TRRAP: variants seen among roughly 807,000 people sequenced by gnomAD.
TRRAP encodes the protein transformation/transcription domain associated protein, also known as transformation/transcription domain-associated protein.
Under a neutral mutation model 438.8 loss-of-function variants are expected in TRRAP, and 41 were observed. The ratio of observed to expected loss-of-function variants is 0.09; its 90% CI spans 0.07 to 0.12. The LOEUF (loss-of-function observed/expected upper bound fraction) is 0.12. Among genes scored for constraint, TRRAP ranks in the 10% least tolerant of loss-of-function variants. TRRAP has a pLI of 1.00. For missense variants in TRRAP, 3,122 were observed against 5,055.1 expected, an observed-to-expected ratio of 0.62 and a Z score of 11.60; for synonymous variants, 1,994 against 1,962.9, an observed-to-expected ratio of 1.02 and a Z score of -0.42.
At chr7:98,882,129 C>A in intron 3 of TRRAP, 105 bp downstream of exon 3, 1 of 986,718 alleles carries the variant, frequency 1.0e-6, no homozygotes, top group Non-Finnish European at 1.5e-6. Flanking sequence ...AGATCATTGT[C>A]TTTGTTCAAG....
chr7:98,956,598 A>G lies in TRRAP; in HGVS notation c.6231+65A>G, dbSNP rs911107276. On this transcript the variant is annotated intron_variant, in intron 43 of 72. Coordinates refer to ENST00000456197, the MANE Select transcript of TRRAP (RefSeq NM_001375524.1). The surrounding 1 kb of genome is among the most constrained non-coding windows in gnomAD (Gnocchi z 4.5). ...CTGGGAGTTGGTTCGTTTATTCCCT[A>G]TATTTAGAATGTGAGCTCGGTGCTC... 68 of 1,558,106 alleles carry G rather than the reference A, an allele frequency of 4.4e-5. No homozygotes were observed. The highest frequency in any genetic ancestry group is 3.8e-4 in the Middle Eastern group (2 of 5,198).
chr7:98,928,932 C>CCCGGCTA (rs1256398295), intron 23 of TRRAP, among the ~76,000 whole-genome samples: 2 of 150,680 alleles, frequency 1.3e-5, no homozygotes, highest in African/African-American at 2.5e-5. Context: ...TAACACCACG[C>CCCGGCTA]CCGGCTAATT....
intron 16 of TRRAP, among the ~76,000 whole-genome samples, 195 bp from the exon 17 acceptor site, chr7:98,910,882 C>G (rs1789234975): frequency 6.6e-6 from 1 of 151,006 alleles, no homozygotes. Flanking sequence ...GTCTGAACAC[C>G]TAGAGGTTTT....
rs1770899382 is a variant in TRRAP at position 98,994,250 on chromosome 7, GAC to G, written c.10048-334_10048-333del. On this transcript the variant is annotated intron_variant, in intron 66 of 72. Coordinates refer to ENST00000456197, the MANE Select transcript of TRRAP (RefSeq NM_001375524.1). The surrounding 1 kb of genome is among the most constrained non-coding windows in gnomAD (Gnocchi z 4.8). ...GTCTCGTGTGTGCACAGTGCACGCA[GAC>G]ACGCGGTGGGAACAGTACAGCTGCC... Among the ~76,000 whole-genome samples the G allele has an allele frequency of 6.6e-6, 1 of 152,218 alleles. No homozygotes were observed. Among genetic ancestry groups the G allele is most frequent in the African/African-American group, 2.4e-5 (1 of 41,456 alleles).
chr7:98,926,768 G>C (rs567132754), intron 22 of TRRAP, among the ~76,000 whole-genome samples: 1 of 152,186 alleles, frequency 6.6e-6, no homozygotes, highest in South Asian at 2.1e-4. Context: ...ACTTTGGGAG[G>C]CTGAGGCGGG....
intron 3 of TRRAP, among the ~76,000 whole-genome samples, chr7:98,883,171 CT>C (rs1175236686): frequency 1.3e-5 from 2 of 152,280 alleles, no homozygotes; most frequent in South Asian, 2.1e-4. Flanking sequence ...TTTCTTCAGT[CT>C]TTTTTCTTTT....
rs1223827934 is a variant in TRRAP, at chr7:99,011,501, C to T, written c.11303C>T (p.Ala3768Val). Residue 3768 changes from alanine (A) to valine (V), a missense_variant, in exon 72 of 73, where the codon GCG (alanine) becomes GTG (valine). Physicochemically the swap from Ala to Val is moderately conservative, Grantham distance 64 (BLOSUM62 0). Around this residue, in one of 24 missense-constraint regions of TRRAP, gnomAD observed 192 missense variants for 355.6 expected, o/e 0.54. Transcript: ENST00000456197. This position sits in a 1 kb window ranked among gnomAD's most constrained non-coding sequence, Gnocchi z 7.1. ...VSGPLTASMI[A>V]VARCFAQPNF... ...GGCCCGTTGACAGCGTCCATGATTG[C>T]GGTCGCCCGGTGCTTCGCCCAGCCA... The T allele has an allele frequency of 2.5e-6, 4 of 1,614,162 alleles. No individual in the cohort carries two copies. The highest frequency in any genetic ancestry group is 3.4e-6 in the Non-Finnish European group (4 of 1,180,014).
intron 67 of TRRAP, among the ~76,000 whole-genome samples, chr7:98,998,315 A>C (rs895621058): frequency 6.6e-6 from 1 of 152,094 alleles, no homozygotes; most frequent in Non-Finnish European, 1.5e-5. Context: ...CTGTAGCTTC[A>C]TTTTCTGAAC....
chr7:98,997,589 T>A (rs1037878816), intron 67 of TRRAP, among the ~76,000 whole-genome samples: 1 of 148,022 alleles, frequency 6.8e-6, no homozygotes, highest in African/African-American at 2.5e-5. Flanking sequence ...AGAGTGGAAC[T>A]ACAGTGGTAT....
At position 98,971,841 on chromosome 7, in the gene TRRAP, A is replaced by G; in HGVS notation, c.7735A>G (p.Ser2579Gly). Residue 2579 changes from serine to glycine, a missense_variant, in exon 53 of 73, where the codon AGC becomes GGC. Physicochemically the swap from Ser to Gly is moderately conservative, Grantham distance 56. Transcript: ENST00000456197. ...CGAACTAGCTCCTGGGGATCAGACC[A>G]GCACGCCCAAAACCAAAGAACTTTC... ...DIELAPGDQT[S>G]TPKTKELSEK... The G allele has an allele frequency of 6.2e-7, 1 of 1,614,248 alleles. No individual in the cohort carries two copies. Among genetic ancestry groups the G allele is most frequent in the South Asian group, 1.1e-5 (1 of 91,088 alleles).
intron 18 of TRRAP, among the ~76,000 whole-genome samples, chr7:98,914,718 CAAAAAAAA>C (rs71118646): frequency 2.7e-4 from 11 of 41,292 alleles, no homozygotes; most frequent in East Asian, 1.4e-3. Context: ...GACCCTGTCT[CAAAAAAAA>C]AAAAAAAAAA....
At chr7:98,919,138 G>A (rs1204670469) in intron 20 of TRRAP, among the ~76,000 whole-genome samples, 1 of 152,150 alleles carries the variant, frequency 6.6e-6, no homozygotes, top group African/African-American at 2.4e-5. Context: ...CAGGTAGTTG[G>A]CCCCAGATAG....
chr7:98,971,957 G>A lies in TRRAP; in HGVS notation c.7839+12G>A, dbSNP rs1432506052. 5.6e-6 allele frequency: 9 copies of A among 1,612,502 alleles called. No individual in the cohort carries two copies. On this transcript the variant is annotated intron_variant, in intron 53 of 72. Coordinates refer to ENST00000456197, the MANE Select transcript of TRRAP (RefSeq NM_001375524.1). ...TCCGAGAGGTGAAGGTCTGTACGCA[G>A]CTTGGAAAGGATTCGTTGCTTTCCT... is the stretch of plus-strand genomic sequence containing the variant.
intron 59 of TRRAP, among the ~76,000 whole-genome samples, chr7:98,982,689 G>A (rs1469033593): frequency 6.6e-6 from 1 of 152,202 alleles, no homozygotes; most frequent in Non-Finnish European, 1.5e-5. Context: ...GGTGGTATCA[G>A]AAGTTTGGTG....
At chr7:98,999,669 G>T in intron 67 of TRRAP, 1 of 922,710 alleles carries the variant, frequency 1.1e-6, no homozygotes. Flanking sequence ...ATGAAGGTGG[G>T]AAGGAGGATG....
chr7:98,879,579 G>A (rs1795326453), intron 1 of TRRAP, among the ~76,000 whole-genome samples: 1 of 152,194 alleles, frequency 6.6e-6, no homozygotes, highest in Non-Finnish European at 1.5e-5. Context: ...GATGGGCAGG[G>A]AGAGTCCGTG....
intron 26 of TRRAP, among the ~76,000 whole-genome samples, chr7:98,932,990 T>G (rs1340574908): frequency 7.1e-6 from 1 of 140,784 alleles, no homozygotes; most frequent in Non-Finnish European, 1.5e-5. Flanking sequence ...TTTGTTGTGG[T>G]TTTGTCTTTT....
chr7:98,984,347 G>A lies in TRRAP; in HGVS notation c.9277G>A (p.Glu3093Lys). The A allele has an allele frequency of 6.3e-7, 1 of 1,585,558 alleles. No homozygotes were observed. The highest frequency in any genetic ancestry group is 8.6e-7 in the Non-Finnish European group (1 of 1,164,522). Residue 3093 changes from glutamate to lysine, a missense_variant, in exon 61 of 73, where the codon GAG (glutamate) becomes AAG (lysine). Coordinates refer to ENST00000456197, the MANE Select transcript of TRRAP (RefSeq NM_001375524.1). The part of the protein sequence containing the change: ...LQLAGVMGKN[E>K]CMQGLEVIES... ...GCTGGCAGGCGTCATGGGCAAAAAC[G>A]AGTGCATGCAGGTGCGGACAGGACA...
At chr7:98,952,365 G>A (rs1311535910) in intron 39 of TRRAP, among the ~76,000 whole-genome samples, 3 of 152,136 alleles carry the variant, frequency 2.0e-5, no homozygotes, top group Non-Finnish European at 4.4e-5. Flanking sequence ...AAAATGAGGA[G>A]TAGACAAAAG....
Sources: allele counts gnomAD v4.1 joint callset (sites outside exome capture counted in the v4.1 genomes callset), GRCh38; gene constraint gnomAD v4.1.1; regional missense constraint gnomAD v4.1.1; non-coding constraint Gnocchi (gnomAD v3.1); transcripts MANE v1.5; gene names NCBI Gene and HGNC (gene_info 2026-07-23, HGNC 2026-07-21).